HLCS: variants seen among roughly 807,000 people sequenced by gnomAD.
HLCS encodes the protein holocarboxylase synthetase.
Under a neutral mutation model 75.0 loss-of-function variants are expected in HLCS, and 53 were observed. The observed-to-expected ratio is 0.71, with a 90% confidence interval of 0.57 to 0.89. The LOEUF (loss-of-function observed/expected upper bound fraction) is 0.89. Ranked by LOEUF, HLCS falls within the 40% of genes least tolerant of loss-of-function variation. The pLI is 0.00. For missense variants in HLCS, 966 were observed against 1,074.0 expected, an observed-to-expected ratio of 0.90 and a Z score of 1.41; for synonymous variants, 431 against 428.6, an observed-to-expected ratio of 1.01 and a Z score of -0.07.
chr21:36,801,897 G>A (rs2061214086), intron 6 of HLCS, among the ~76,000 whole-genome samples: 1 of 151,822 alleles, frequency 6.6e-6, no homozygotes, highest in African/African-American at 2.4e-5. Context: ...GCCTCCCAAA[G>A]TATTGGGACT....
At chr21:36,932,318 T>C (rs896889026) in intron 4 of HLCS, among the ~76,000 whole-genome samples, 2 of 152,204 alleles carry the variant, frequency 1.3e-5, no homozygotes, top group Non-Finnish European at 2.9e-5. Flanking sequence ...TATGGTAACA[T>C]TGGTTTCATT....
intron 1 of HLCS, among the ~76,000 whole-genome samples, chr21:36,976,540 C>T (rs755469333): frequency 7.9e-5 from 12 of 151,956 alleles, no homozygotes; most frequent in Non-Finnish European, 1.6e-4. Flanking sequence ...TCCAAGATTG[C>T]ATCACTACAC....
intron 5 of HLCS, among the ~76,000 whole-genome samples, chr21:36,929,471 C>G (rs2066541221): frequency 6.6e-6 from 1 of 152,198 alleles, no homozygotes; most frequent in African/African-American, 2.4e-5. Flanking sequence ...AAAGAAAGTG[C>G]CTCCTTTTTA....
chr21:36,758,171 C>G (rs945707477), intron 9 of HLCS, among the ~76,000 whole-genome samples: 2 of 151,992 alleles, frequency 1.3e-5, no homozygotes, highest in African/African-American at 4.8e-5. Flanking sequence ...CAGTGGAGCC[C>G]TCATAGCGCA....
At chr21:36,809,170 T>A (rs1422125705) in intron 6 of HLCS, among the ~76,000 whole-genome samples, 1 of 151,708 alleles carries the variant, frequency 6.6e-6, no homozygotes, top group Non-Finnish European at 1.5e-5. Context: ...GCCGACATCA[T>A]GCCACTGCAC....
upstream of HLCS, among the ~76,000 whole-genome samples, chr21:36,966,826 G>A (rs1303524785): frequency 6.8e-6 from 1 of 146,752 alleles, no homozygotes; most frequent in African/African-American, 2.5e-5. Context: ...GGGGCGGGGG[G>A]GGGTGAGGCC....
intron 8 of HLCS, among the ~76,000 whole-genome samples, chr21:36,761,078 C>T (rs946820357): frequency 3.9e-5 from 6 of 152,216 alleles, no homozygotes; most frequent in South Asian, 2.1e-4. Flanking sequence ...CGTTGCAGGC[C>T]GGGCATGGCA....
chr21:36,950,590 CT>C (rs778967545), intron 2 of HLCS, among the ~76,000 whole-genome samples: 2 of 151,954 alleles, frequency 1.3e-5, no homozygotes, highest in Non-Finnish European at 2.9e-5. Context: ...CCACCTCAGC[CT>C]CCCAAGTAGA....
At chr21:36,904,921 T>C (rs2065387315) in intron 5 of HLCS, among the ~76,000 whole-genome samples, 1 of 152,206 alleles carries the variant, frequency 6.6e-6, no homozygotes, top group Non-Finnish European at 1.5e-5. Context: ...TCAAGACAAG[T>C]GGGCTGACAT....
intron 5 of HLCS, among the ~76,000 whole-genome samples, chr21:36,927,326 G>C (rs1212851271): frequency 1.3e-5 from 2 of 152,246 alleles, no homozygotes; most frequent in Non-Finnish European, 1.5e-5. Context: ...TGGTGTCTGG[G>C]TGTCGATGAA....
At chr21:36,801,782 CT>C (rs113671511) in intron 6 of HLCS, among the ~76,000 whole-genome samples, 2,345 of 145,580 alleles carry the variant, frequency 0.016, 40 homozygotes, top group African/African-American at 0.045. Context: ...GATTTCCTTT[CT>C]TTTTTTTTTT....
At chr21:36,888,151 C>A (rs555679866) in intron 6 of HLCS, among the ~76,000 whole-genome samples, 1 of 151,920 alleles carries the variant, frequency 6.6e-6, no homozygotes, top group Admixed American at 6.6e-5. Context: ...TATTAGGATC[C>A]GGCTGTTTCT....
intron 6 of HLCS, among the ~76,000 whole-genome samples, chr21:36,817,106 T>C (rs2835467): frequency 0.023 from 3,537 of 152,282 alleles, 128 homozygotes; most frequent in African/African-American, 0.081. Flanking sequence ...GTAGACTCGA[T>C]TAGAGTGGAA....
chr21:36,807,621 A>C (rs1337739315), intron 6 of HLCS, among the ~76,000 whole-genome samples: 1 of 152,166 alleles, frequency 6.6e-6, no homozygotes, highest in Admixed American at 6.5e-5. Flanking sequence ...TCGTCCTCAC[A>C]ATAATAACCG....
At chr21:36,794,477 G>A (rs1277144062) in intron 6 of HLCS, among the ~76,000 whole-genome samples, 2 of 152,206 alleles carry the variant, frequency 1.3e-5, no homozygotes, top group Non-Finnish European at 2.9e-5. Context: ...GGCCCTCAGT[G>A]GGATTGGAGA....
intron 6 of HLCS, among the ~76,000 whole-genome samples, chr21:36,827,105 A>C (rs981067871): frequency 1.3e-5 from 2 of 152,160 alleles, no homozygotes; most frequent in Non-Finnish European, 2.9e-5. Context: ...GAGAACACTG[A>C]TGCTTGCTGG....
At chr21:36,854,978 T>G (rs770479079) in intron 6 of HLCS, among the ~76,000 whole-genome samples, 12 of 152,076 alleles carry the variant, frequency 7.9e-5, no homozygotes, top group Non-Finnish European at 1.3e-4. Flanking sequence ...GTAAAGTCCA[T>G]ACAAGCACAA....
At chr21:36,909,387 T>C (rs1243232601) in intron 5 of HLCS, among the ~76,000 whole-genome samples, 1 of 152,174 alleles carries the variant, frequency 6.6e-6, no homozygotes, top group Non-Finnish European at 1.5e-5. Flanking sequence ...TATGCAACAT[T>C]AAACAATACT....
intron 6 of HLCS, among the ~76,000 whole-genome samples, chr21:36,814,464 G>C (rs1165877535): frequency 2.0e-5 from 3 of 152,124 alleles, no homozygotes; most frequent in Non-Finnish European, 4.4e-5. Flanking sequence ...ACACTAAAAA[G>C]CTATCTGTTG....
Sources: gnomAD v4.1 joint callset for allele counts (sites outside exome capture counted in the v4.1 genomes callset) on GRCh38, gnomAD v4.1.1 for gene constraint, MANE v1.5 for transcripts, NCBI Gene and HGNC (gene_info 2026-07-23, HGNC 2026-07-21) for gene names.